BMAL1: variants seen among roughly 807,000 people sequenced by gnomAD.
The protein encoded by BMAL1 is basic helix-loop-helix ARNT like 1.
the BMAL1 span, chr11:13,354,916 T>C: frequency 4.1e-6 from 1 of 242,872 alleles, no homozygotes; most frequent in South Asian, 7.3e-5. Context: ...TTTAGGAACA[T>C]TGATGTTGTC....
the BMAL1 span, among the ~76,000 whole-genome samples, chr11:13,291,911 G>GT: frequency 6.6e-6 from 1 of 152,216 alleles, no homozygotes. Context: ...CGGAGTTTGT[G>GT]TAATTTCTTG....
the BMAL1 span, among the ~76,000 whole-genome samples, chr11:13,298,128 C>T: frequency 5.3e-5 from 8 of 152,226 alleles, no homozygotes; most frequent in African/African-American, 1.7e-4. Context: ...TTCTGCACAG[C>T]TCATTGTGGT....
chr11:13,352,169 A>G, the BMAL1 span, among the ~76,000 whole-genome samples: 1 of 152,164 alleles, frequency 6.6e-6, no homozygotes, highest in Non-Finnish European at 1.5e-5. Flanking sequence ...CTCTTTTCTC[A>G]GTTCACTAAG....
the BMAL1 span, among the ~76,000 whole-genome samples, chr11:13,285,370 G>A: frequency 2.0e-5 from 3 of 152,166 alleles, no homozygotes; most frequent in Admixed American, 1.3e-4. Context: ...CAAAACAAGG[G>A]GCCCGCAGGA....
the BMAL1 span, chr11:13,353,474 G>C: frequency 5.6e-4 from 85 of 152,248 alleles, no homozygotes; most frequent in African/African-American, 2.0e-3. Context: ...AGATAATAAG[G>C]AACTTGCATT....
chr11:13,357,166 T>C, the BMAL1 span: 4 of 1,595,780 alleles, frequency 2.5e-6, no homozygotes, highest in African/African-American at 4.0e-5. The surrounding 1 kb of genome is among the most constrained non-coding windows in gnomAD (Gnocchi z 4.8). Context: ...CTGAGGAGGC[T>C]CTGCATGTTT....
At chr11:13,351,077 A>T in the BMAL1 span, among the ~76,000 whole-genome samples, 3 of 152,192 alleles carry the variant, frequency 2.0e-5, no homozygotes, top group Admixed American at 6.5e-5. Context: ...AGATTATTGT[A>T]GGTCACATTT....
chr11:13,320,709 G>T, the BMAL1 span, among the ~76,000 whole-genome samples: 2 of 152,192 alleles, frequency 1.3e-5, no homozygotes, highest in Non-Finnish European at 2.9e-5. Context: ...CTCCAAGTTG[G>T]TGGCTACTGG....
the BMAL1 span, among the ~76,000 whole-genome samples, chr11:13,360,998 G>C: frequency 6.6e-6 from 1 of 152,102 alleles, no homozygotes; most frequent in African/African-American, 2.4e-5. Context: ...TGCCTTCTTG[G>C]GAGGCTGAGA....
chr11:13,306,254 G>T, the BMAL1 span, among the ~76,000 whole-genome samples: 1 of 152,068 alleles, frequency 6.6e-6, no homozygotes, highest in Admixed American at 6.5e-5. Flanking sequence ...GTGGGAGGGG[G>T]ATGGGAAGAG....
chr11:13,378,095 T>C, the BMAL1 span, among the ~76,000 whole-genome samples: 31 of 152,192 alleles, frequency 2.0e-4, no homozygotes, highest in Non-Finnish European at 3.7e-4. Flanking sequence ...TTTCAGTGCA[T>C]GAAGGGAAAG....
chr11:13,353,089 A>T, the BMAL1 span: 1 of 152,252 alleles, frequency 6.6e-6, no homozygotes, highest in Non-Finnish European at 1.5e-5. Flanking sequence ...GTGGGGGGAA[A>T]ACAGGCCGAC....
chr11:13,368,782 C>T, the BMAL1 span, among the ~76,000 whole-genome samples: 2 of 151,918 alleles, frequency 1.3e-5, no homozygotes, highest in South Asian at 4.1e-4. Context: ...CAGCACAGTC[C>T]AATAAAAACA....
chr11:13,386,795 G>A, the BMAL1 span: 5 of 1,598,986 alleles, frequency 3.1e-6, no homozygotes, highest in Non-Finnish European at 4.3e-6. Context: ...TAGTATCAAA[G>A]TGCATTACTG....
chr11:13,380,491 G>A, the BMAL1 span: 1 of 152,184 alleles, frequency 6.6e-6, no homozygotes, highest in African/African-American at 2.4e-5. Flanking sequence ...CAAGTATTTA[G>A]GTGGATTTAC....
At chr11:13,306,597 G>T in the BMAL1 span, among the ~76,000 whole-genome samples, 1 of 152,198 alleles carries the variant, frequency 6.6e-6, no homozygotes, top group Non-Finnish European at 1.5e-5. Flanking sequence ...GAAAAATCCA[G>T]GGAGTGTGCA....
the BMAL1 span, among the ~76,000 whole-genome samples, chr11:13,383,969 C>T: frequency 6.6e-6 from 1 of 152,314 alleles, no homozygotes; most frequent in African/African-American, 2.4e-5. Context: ...ATGAGAAGTA[C>T]ACAGAACTTG....
the BMAL1 span, chr11:13,354,209 C>CA: frequency 3.0e-6 from 3 of 1,013,920 alleles, no homozygotes; most frequent in East Asian, 4.6e-5. Context: ...GGCCCCCCAC[C>CA]ACCAAACCCC....
the BMAL1 span, among the ~76,000 whole-genome samples, chr11:13,335,089 A>G: frequency 6.6e-6 from 1 of 152,214 alleles, no homozygotes; most frequent in Admixed American, 6.5e-5. Context: ...AGCACTGGAT[A>G]AAATCTGGTT....
Sources: gnomAD v4.1 joint callset for allele counts (sites outside exome capture counted in the v4.1 genomes callset) on GRCh38, gnomAD v4.1.1 for gene constraint, Gnocchi (gnomAD v3.1) non-coding constraint, MANE v1.5 for transcripts, NCBI Gene and HGNC (gene_info 2026-07-23, HGNC 2026-07-21) for gene names.